Variants in PLEKHA5 observed in about 807,000 individuals in gnomAD.
PLEKHA5 encodes the protein pleckstrin homology domain containing A5.
Under a neutral mutation model 181.9 loss-of-function variants are expected in PLEKHA5, and 55 were observed. The observed-to-expected ratio is 0.30, with a 90% CI of 0.24 to 0.38. The LOEUF is 0.38. PLEKHA5 is among the 10% of genes least tolerant of loss of function. The pLI, the probability that PLEKHA5 is intolerant of heterozygous loss-of-function variation, is 1.00. For missense variants in PLEKHA5, 1,432 were observed against 1,549.5 expected (o/e 0.92, Z 1.27); for synonymous variants, 535 against 529.4 (o/e 1.01, Z -0.15).
intron 3 of PLEKHA5, among the ~76,000 whole-genome samples, chr12:19,137,215 T>A (rs1321810548): frequency 1.3e-5 from 2 of 152,040 alleles, no homozygotes; most frequent in Non-Finnish European, 2.9e-5. Context: ...TTTTGTATTT[T>A]TAGTAGAGAA....
At chr12:19,193,560 T>G (rs2051789338) in intron 3 of PLEKHA5, among the ~76,000 whole-genome samples, 1 of 152,102 alleles carries the variant, frequency 6.6e-6, no homozygotes, top group Non-Finnish European at 1.5e-5. Context: ...TATTGCATTG[T>G]GGTAAAATCA....
In PLEKHA5 at chr12:19,366,511, G is replaced by A. The variant is rs192717859; in HGVS notation, c.3754+402G>A. On this transcript the variant is annotated intron_variant, in intron 30 of 31. Coordinates refer to ENST00000429027, the MANE Select transcript of PLEKHA5 (RefSeq NM_001256470.2). ...CTACTAAAAATACAAAAAATTAGCC[G>A]GGCATGGTGGCAGCCACCTCCAATC... Among the ~76,000 whole-genome samples the A allele has an allele frequency of 3.7e-3, 569 of 152,120 alleles. 1 individual carries two copies. Among genetic ancestry groups the A allele is most frequent in the Non-Finnish European group, 6.7e-3 (453 of 68,008 alleles).
At chr12:19,335,252 C>T (rs1172034202) in intron 20 of PLEKHA5, among the ~76,000 whole-genome samples, 6 of 151,468 alleles carry the variant, frequency 4.0e-5, no homozygotes, top group African/African-American at 7.3e-5. Context: ...AGGCTGGTCT[C>T]GAGCTCCTGG....
intron 12 of PLEKHA5, among the ~76,000 whole-genome samples, chr12:19,287,181 T>A (rs906320485): frequency 5.9e-5 from 9 of 151,900 alleles, no homozygotes; most frequent in African/African-American, 1.4e-4. Flanking sequence ...ATACTTTTAG[T>A]AGAGAAAGGA....
chr12:19,233,066 T>C (rs2060874094), intron 3 of PLEKHA5, among the ~76,000 whole-genome samples: 1 of 150,552 alleles, frequency 6.6e-6, no homozygotes, highest in Non-Finnish European at 1.5e-5. Flanking sequence ...TTACCAACTT[T>C]TAGCAGAAGA....
intron 3 of PLEKHA5, among the ~76,000 whole-genome samples, chr12:19,191,201 A>G (rs906607162): frequency 5.3e-5 from 8 of 152,182 alleles, no homozygotes; most frequent in Non-Finnish European, 1.0e-4. Flanking sequence ...ACTGCATTTC[A>G]TTATCTACTA....
At chr12:19,181,719 T>G (rs2151850230) in intron 3 of PLEKHA5, among the ~76,000 whole-genome samples, 1 of 152,220 alleles carries the variant, frequency 6.6e-6, no homozygotes, top group Non-Finnish European at 1.5e-5. Flanking sequence ...GAGGTTACAG[T>G]GAGCCGAGAT....
chr12:19,223,775 A>G (rs1444676676), intron 3 of PLEKHA5, among the ~76,000 whole-genome samples: 5 of 152,138 alleles, frequency 3.3e-5, no homozygotes, highest in Admixed American at 3.3e-4. Flanking sequence ...GGATCAGCTC[A>G]GTTAATGGGG....
At chr12:19,368,792 C>T (rs910728418) in intron 30 of PLEKHA5, among the ~76,000 whole-genome samples, 4 of 151,802 alleles carry the variant, frequency 2.6e-5, no homozygotes, top group African/African-American at 9.7e-5. Context: ...AATTCTGTCT[C>T]TAAATAAATG....
intron 20 of PLEKHA5, among the ~76,000 whole-genome samples, chr12:19,330,035 A>G (rs1458685057): frequency 6.6e-6 from 1 of 152,210 alleles, no homozygotes; most frequent in Non-Finnish European, 1.5e-5. Context: ...CGGACAACAA[A>G]GTGAGACCCT....
chr12:19,346,655 A>G lies in PLEKHA5; in HGVS notation c.2710-339A>G, dbSNP rs768048591. On this transcript the variant is annotated intron_variant, in intron 23 of 31. Transcript: ENST00000429027. ...AAATAAATAAATAAGATAAATTGTG[A>G]AAATATAAGAATAGGATTTTAAAAT... 5.9e-5 allele frequency among the ~76,000 whole-genome samples: 9 copies of G among 152,166 alleles called. 1 individual carries two copies. Among genetic ancestry groups the G allele is most frequent in the Non-Finnish European group, 1.2e-4 (8 of 68,026 alleles).
In PLEKHA5 at chr12:19,353,939, A is replaced by G; in HGVS notation, c.3075A>G (p.Glu1025=). The part of the protein sequence containing the change: ...VPPRAKSPTP[E]SSTIASYVTL... Reference sequence around the variant, plus strand: ...CAAGAGCAAAATCACCAACACCCGAATCTTCGACAATAGCTTCCTATGTAA... The same window carrying G: ...CAAGAGCAAAATCACCAACACCCGAGTCTTCGACAATAGCTTCCTATGTAA... Residue 1025 remains glutamate, a synonymous_variant, in exon 26 of 32, where the codon GAA becomes GAG. Coordinates refer to ENST00000429027, the MANE Select transcript of PLEKHA5 (RefSeq NM_001256470.2). 1.2e-6 allele frequency: 2 copies of G among 1,611,646 alleles called. No homozygotes were observed.
chr12:19,226,428 C>T (rs531511497), intron 3 of PLEKHA5, among the ~76,000 whole-genome samples: 2 of 152,122 alleles, frequency 1.3e-5, no homozygotes, highest in South Asian at 2.1e-4. Context: ...GTTTGAATAC[C>T]TGTTTTTAAT....
intron 25 of PLEKHA5, among the ~76,000 whole-genome samples, chr12:19,350,947 T>C (rs1265912709): frequency 6.7e-5 from 10 of 150,218 alleles, no homozygotes; most frequent in Non-Finnish European, 1.2e-4. Flanking sequence ...TGTCTCCTTA[T>C]TCAAAGTCTT....
rs150815748 is a variant in PLEKHA5 at position 19,214,731 on chromosome 12, A to G, written c.228-39209A>G. The stretch of plus-strand genomic sequence containing the variant: ...TGACAAAAATTTTAGAATAGCTGCT[A>G]AAGGGAGAATGAAAGCAAATGAAAG... On this transcript the variant is annotated intron_variant, in intron 3 of 31. Coordinates refer to ENST00000429027, the MANE Select transcript of PLEKHA5 (RefSeq NM_001256470.2). Among the ~76,000 whole-genome samples, 874 of 152,268 alleles carry G rather than the reference A, an allele frequency of 5.7e-3. 6 individuals carry two copies. Among genetic ancestry groups the G allele is most frequent in the African/African-American group, 0.02 (817 of 41,550 alleles).
intron 15 of PLEKHA5, among the ~76,000 whole-genome samples, chr12:19,293,627 C>G (rs2079032911): frequency 6.6e-6 from 1 of 152,088 alleles, no homozygotes; most frequent in Non-Finnish European, 1.5e-5. Context: ...AAACATGAAT[C>G]TGAAGTTACC....
chr12:19,329,797 G>C (rs1029225803), intron 20 of PLEKHA5, among the ~76,000 whole-genome samples: 6 of 151,844 alleles, frequency 4.0e-5, no homozygotes. Context: ...ATTTCCCCAG[G>C]CTGGTGTGGT....
At chr12:19,227,351 A>G (rs959519707) in intron 3 of PLEKHA5, among the ~76,000 whole-genome samples, 1 of 151,308 alleles carries the variant, frequency 6.6e-6, no homozygotes, top group Non-Finnish European at 1.5e-5. Flanking sequence ...CAGGGGCTAA[A>G]TAATAGTTAT....
At chr12:19,217,132 G>A (rs1448598631) in intron 3 of PLEKHA5, among the ~76,000 whole-genome samples, 1 of 152,158 alleles carries the variant, frequency 6.6e-6, no homozygotes, top group East Asian at 1.9e-4. Context: ...ATTTTTAAAC[G>A]TATTATAATC....
Sources: allele counts gnomAD v4.1 joint callset (sites outside exome capture counted in the v4.1 genomes callset), GRCh38; gene constraint gnomAD v4.1.1; transcripts MANE v1.5; gene names NCBI Gene and HGNC (gene_info 2026-07-23, HGNC 2026-07-21).